The following TMEM135 variants were observed in gnomAD, a reference collection of about 807,000 sequenced individuals.
TMEM135 encodes the protein transmembrane protein 135.
In TMEM135, 30 loss-of-function variants were observed where a neutral mutation model predicts 60.3. The ratio of observed to expected loss-of-function variants is 0.50; its 90% CI spans 0.37 to 0.68. The LOEUF is 0.68. Ranked by LOEUF, TMEM135 falls within the 30% of genes least tolerant of loss-of-function variation. TMEM135 has a pLI of 0.00. For synonymous variants in TMEM135, 190 were observed against 186.7 expected (o/e 1.02, Z -0.14); for missense variants, 468 against 548.8 (o/e 0.85, Z 1.47).
At chr11:87,241,408 C>T (rs1039545283) in intron 6 of TMEM135, among the ~76,000 whole-genome samples, 1 of 151,638 alleles carries the variant, frequency 6.6e-6, no homozygotes, top group Non-Finnish European at 1.5e-5. Context: ...TTACAGGGTC[C>T]ATGAGATGTT....
intron 14 of TMEM135, among the ~76,000 whole-genome samples, chr11:87,320,204 G>T (rs9666962): frequency 6.6e-6 from 1 of 151,944 alleles, no homozygotes; most frequent in South Asian, 2.1e-4. Flanking sequence ...GTTAGGTTCT[G>T]TTATTATCCC....
chr11:87,191,282 C>G (rs113242292), intron 5 of TMEM135, among the ~76,000 whole-genome samples: 14 of 152,016 alleles, frequency 9.2e-5, no homozygotes, highest in African/African-American at 3.4e-4. Context: ...GCTCTTTCAC[C>G]CAGGCTGGAG....
chr11:87,082,275 G>A (rs574742937), intron 3 of TMEM135, among the ~76,000 whole-genome samples: 2 of 152,216 alleles, frequency 1.3e-5, no homozygotes, highest in South Asian at 2.1e-4. Context: ...GAATTTGCGA[G>A]TTACTTTAGT....
At chr11:87,242,849 T>G (rs1371555222) in intron 6 of TMEM135, among the ~76,000 whole-genome samples, 2 of 148,042 alleles carry the variant, frequency 1.4e-5, no homozygotes, top group East Asian at 3.9e-4. Flanking sequence ...AGAAGCTCTT[T>G]AGTTTAATGA....
Position 87,319,312 on chromosome 11 carries a change from T to C in TMEM135, c.1179T>C (p.Ala393=). 6.2e-7 allele frequency: 1 copy of C among 1,612,318 alleles called. No homozygotes were observed. The highest frequency in any genetic ancestry group is 8.5e-7 in the Non-Finnish European group (1 of 1,178,472). ...SISTAICFQA[A]VMEVQTLRPS... is the part of the protein sequence containing the mutation. ...GAATTCTCAAATTTAATACTCAGGC[T>C]GTCATGGAAGTTCAGACTTTGAGAC... The change falls in exon 14 of 15, where the codon GCT becomes GCC. Residue 393 remains alanine, a splice_region_variant and synonymous_variant. Coordinates refer to ENST00000305494, the MANE Select transcript of TMEM135 (RefSeq NM_022918.4).
chr11:87,067,673 A>G, intron 1 of TMEM135, 21 bp from the exon 2 acceptor site: 1 of 1,613,126 alleles, frequency 6.2e-7, no homozygotes, highest in South Asian at 1.1e-5. Flanking sequence ...GGATTAAACA[A>G]AAAATCCTTT....
chr11:87,252,723 A>G (rs991896144), intron 6 of TMEM135, among the ~76,000 whole-genome samples: 1 of 151,436 alleles, frequency 6.6e-6, no homozygotes, highest in South Asian at 2.1e-4. Context: ...GTGAGCCAAG[A>G]TCACACCATT....
intron 6 of TMEM135, among the ~76,000 whole-genome samples, chr11:87,290,622 A>T (rs923574029): frequency 7.2e-5 from 11 of 152,184 alleles, no homozygotes; most frequent in African/African-American, 2.7e-4. Flanking sequence ...CATTTGACCA[A>T]GAGTATTATC....
At chr11:87,270,744 C>T (rs534895958) in intron 6 of TMEM135, among the ~76,000 whole-genome samples, 45 of 152,116 alleles carry the variant, frequency 3.0e-4, no homozygotes, top group Non-Finnish European at 4.7e-4. Context: ...CATCAAGTTT[C>T]TATAAACTAT....
intron 5 of TMEM135, among the ~76,000 whole-genome samples, chr11:87,223,996 A>G (rs1940711552): frequency 6.6e-6 from 1 of 152,236 alleles, no homozygotes; most frequent in Non-Finnish European, 1.5e-5. Flanking sequence ...GAGCAATACC[A>G]TGCCTAATTA....
intron 5 of TMEM135, among the ~76,000 whole-genome samples, chr11:87,171,109 G>A (rs566824564): frequency 5.3e-5 from 8 of 152,108 alleles, no homozygotes; most frequent in Non-Finnish European, 7.4e-5. Context: ...GGGCATAGTT[G>A]AAGATTAAAG....
intron 6 of TMEM135, among the ~76,000 whole-genome samples, chr11:87,274,080 C>T (rs913724991): frequency 1.3e-5 from 2 of 152,174 alleles, no homozygotes; most frequent in African/African-American, 4.8e-5. Flanking sequence ...TTCTCCTGAC[C>T]ATCCTTTAGA....
intron 5 of TMEM135, among the ~76,000 whole-genome samples, chr11:87,229,296 C>T (rs372797605): frequency 1.1e-4 from 17 of 151,780 alleles, no homozygotes; most frequent in East Asian, 7.7e-4. Flanking sequence ...ATAAAGCATA[C>T]GAAAAAGTAG....
intron 6 of TMEM135, 128 bp from the exon 7 acceptor site, chr11:87,295,654 C>G: frequency 2.9e-6 from 2 of 690,598 alleles, no homozygotes; most frequent in Non-Finnish European, 2.5e-6. Flanking sequence ...CTCTTTTGAC[C>G]ATTCATAATG....
At chr11:87,250,807 G>A (rs1411303249) in intron 6 of TMEM135, among the ~76,000 whole-genome samples, 2 of 152,198 alleles carry the variant, frequency 1.3e-5, no homozygotes, top group Non-Finnish European at 2.9e-5. Flanking sequence ...GTTAGGAGAT[G>A]TGCCTTAAAT....
At chr11:87,055,278 A>T (rs1433312017) in intron 1 of TMEM135, among the ~76,000 whole-genome samples, 1 of 152,226 alleles carries the variant, frequency 6.6e-6, no homozygotes, top group Non-Finnish European at 1.5e-5. Context: ...AGAAATAAGA[A>T]GCAATTACTT....
intron 5 of TMEM135, among the ~76,000 whole-genome samples, chr11:87,162,850 A>C (rs1202913690): frequency 6.6e-6 from 1 of 152,058 alleles, no homozygotes; most frequent in Non-Finnish European, 1.5e-5. Flanking sequence ...GTGTAAAAGC[A>C]TTCCTATTTC....
In TMEM135 at chr11:87,321,669, G is replaced by T. The variant is rs370119863; in HGVS notation, c.*336G>T. The T allele has an allele frequency of 8.3e-6, 4 of 484,588 alleles. No homozygotes were observed. Among genetic ancestry groups the T allele is most frequent in the South Asian group, 6.2e-5 (4 of 64,280 alleles). The allele number at this position is 484,588 out of a possible 1,614,324, so 30.0% of individuals were successfully genotyped here. On this transcript the variant is annotated 3_prime_UTR_variant, in exon 15 of 15. Transcript: ENST00000305494. ...GAGTACACTTAAAATTACTTTAAAA[G>T]ATGTCTTTAGTTCATTCCAATATAA...
At chr11:87,086,428 G>A (rs1299562575) in intron 3 of TMEM135, among the ~76,000 whole-genome samples, 1 of 152,050 alleles carries the variant, frequency 6.6e-6, no homozygotes, top group African/African-American at 2.4e-5. Context: ...CTCTTGTTCC[G>A]TGTCCAAGAA....
Sources: gnomAD v4.1 joint callset for allele counts (sites outside exome capture counted in the v4.1 genomes callset) on GRCh38, gnomAD v4.1.1 for gene constraint, MANE v1.5 for transcripts, NCBI Gene and HGNC (gene_info 2026-07-23, HGNC 2026-07-21) for gene names.